TSNARE1: variants seen among roughly 807,000 people sequenced by gnomAD.
The protein encoded by TSNARE1 is t-SNARE domain containing 1, also known as t-SNARE domain-containing protein 1.
Under a neutral mutation model 62.0 loss-of-function variants are expected in TSNARE1, and 49 were observed. The observed-to-expected ratio is 0.79, with a 90% confidence interval of 0.63 to 1.00. The LOEUF is 1.00. Ranked by LOEUF, TSNARE1 falls within the 50% of genes least tolerant of loss-of-function variation. The pLI, the probability that TSNARE1 is intolerant of heterozygous loss-of-function variation, is 0.00. For synonymous variants in TSNARE1, 328 were observed against 294.4 expected (o/e 1.11, Z -1.17); for missense variants, 755 against 700.1 (o/e 1.08, Z -0.88).
intron 11 of TSNARE1, chr8:142,278,349 GT>G: frequency 2.0e-6 from 2 of 985,458 alleles, no homozygotes; most frequent in Non-Finnish European, 2.4e-6. Context: ...CACTGGGGGC[GT>G]TTGAGGCCAG....
intron 1 of TSNARE1, among the ~76,000 whole-genome samples, chr8:142,383,402 TGGGA>T (rs1836904067): frequency 3.3e-5 from 5 of 150,210 alleles, no homozygotes; most frequent in Non-Finnish European, 7.4e-5. Flanking sequence ...CCATCCTCTG[TGGGA>T]GGCCCCAAGC....
At chr8:142,385,614 G>A (rs1007229931) in intron 1 of TSNARE1, among the ~76,000 whole-genome samples, 4 of 152,162 alleles carry the variant, frequency 2.6e-5, no homozygotes, top group Non-Finnish European at 5.9e-5. Context: ...AAGAACTGGA[G>A]TCAAAGGATA....
chr8:142,224,019 AGCTATCGGT>A (rs955142817), intron 13 of TSNARE1, among the ~76,000 whole-genome samples: 12 of 152,150 alleles, frequency 7.9e-5, no homozygotes, highest in Non-Finnish European at 1.8e-4. Context: ...ATCCTCTGAG[AGCTATCGGT>A]GCAGTCCTGG....
At chr8:142,399,166 CCTT>C (rs1176668845) in intron 1 of TSNARE1, among the ~76,000 whole-genome samples, 1 of 152,226 alleles carries the variant, frequency 6.6e-6, no homozygotes, top group Non-Finnish European at 1.5e-5. Context: ...TTGGTAGTGC[CCTT>C]CTTCTCTGCC....
rs1202153394 is a variant in TSNARE1, at chr8:142,221,718, CACTCATTCACTCACTCATTCACT to C, written c.*11+7732_*11+7754del. Among the ~76,000 whole-genome samples, 59 of 145,718 alleles carry C rather than the reference CACTCATTCACTCACTCATTCACT, an allele frequency of 4.0e-4. 6 individuals are homozygous for C. The highest frequency in any genetic ancestry group is 7.1e-3 in the Middle Eastern group (2 of 282). ...TCATCCACTCACTCATCCACTCACT[CACTCATTCACTCACTCATTCACT>C]CACTCACTCACTCATTCACTCACTC... On this transcript the variant is annotated intron_variant, in intron 13 of 13. Transcript: ENST00000524325.
chr8:142,257,414 G>A (rs1217569798), intron 12 of TSNARE1, among the ~76,000 whole-genome samples: 1 of 152,128 alleles, frequency 6.6e-6, no homozygotes, highest in African/African-American at 2.4e-5. Context: ...CACCTGGACT[G>A]GACAGGATGT....
intron 11 of TSNARE1, 94 bp downstream of exon 11, chr8:142,284,319 C>A: frequency 9.8e-7 from 1 of 1,021,164 alleles, no homozygotes; most frequent in Non-Finnish European, 1.5e-6. Context: ...CTTAGAGGCC[C>A]CTTCACCCAC....
At chr8:142,345,681 A>C in intron 3 of TSNARE1, 62 bp downstream of exon 3, 1 of 1,476,468 alleles carries the variant, frequency 6.8e-7, no homozygotes, top group Non-Finnish European at 9.0e-7. Flanking sequence ...TGCCCTCCTC[A>C]GCACCTGCAT....
At chr8:142,396,569 G>A (rs1483515393) in intron 1 of TSNARE1, among the ~76,000 whole-genome samples, 1 of 152,216 alleles carries the variant, frequency 6.6e-6, no homozygotes, top group Non-Finnish European at 1.5e-5. Context: ...TAACTCAACA[G>A]GGAATTTTTG....
At chr8:142,395,266 G>C (rs182075474) in intron 1 of TSNARE1, among the ~76,000 whole-genome samples, 32 of 152,102 alleles carry the variant, frequency 2.1e-4, no homozygotes, top group African/African-American at 7.2e-4. Context: ...CCCAAGCCAC[G>C]CAGAGCCACT....
rs1181273411 is a variant in TSNARE1 at position 142,291,342 on chromosome 8, TG to T, written c.1291-6858del. On this transcript the variant is annotated intron_variant, in intron 10 of 13. Coordinates refer to ENST00000524325, the MANE Select transcript of TSNARE1 (RefSeq NM_145003.5). The surrounding 1 kb of genome is among the most constrained non-coding windows in gnomAD (Gnocchi z 4.8). Reference sequence around the variant, plus strand: ...GAGCTGTGTGACCCTGGGCAAGCGATGGGCCTGCTCCAAGCCACCGTCATCT... The same window carrying T: ...GAGCTGTGTGACCCTGGGCAAGCGATGGCCTGCTCCAAGCCACCGTCATCT... 2.0e-5 allele frequency among the ~76,000 whole-genome samples: 3 copies of T among 152,172 alleles called. No individual in the cohort carries two copies. The highest frequency in any genetic ancestry group is 2.0e-4 in the Admixed American group (3 of 15,286).
intron 13 of TSNARE1, among the ~76,000 whole-genome samples, chr8:142,219,805 C>T (rs1816121941): frequency 1.3e-5 from 2 of 152,234 alleles, no homozygotes; most frequent in Admixed American, 6.5e-5. Flanking sequence ...CCTTCTGGCT[C>T]CCGGCCTCCC....
chr8:142,314,986 C>T lies in TSNARE1; in HGVS notation c.1074+17G>A. 6.2e-7 allele frequency: 1 copy of T among 1,613,832 alleles called. No individual in the cohort carries two copies. Among genetic ancestry groups the T allele is most frequent in the Non-Finnish European group, 8.5e-7 (1 of 1,179,720 alleles). ...CACCTGGCCTGCAGACCCCCACTGCCCCCACCAGCACCTCACCTTCTGCAC... is the reference window on the plus strand; with the variant it reads ...CACCTGGCCTGCAGACCCCCACTGCTCCCACCAGCACCTCACCTTCTGCAC... On this transcript the variant is annotated intron_variant, in intron 8 of 13. Transcript: ENST00000524325.
chr8:142,271,585 G>A (rs760139685), intron 12 of TSNARE1: 55 of 1,424,372 alleles, frequency 3.9e-5, no homozygotes, highest in Non-Finnish European at 3.8e-5. Context: ...AGGTGGGTGC[G>A]TGGAAGACTC....
intron 3 of TSNARE1, among the ~76,000 whole-genome samples, chr8:142,345,355 G>T (rs980504928): frequency 1.3e-5 from 2 of 152,160 alleles, no homozygotes; most frequent in African/African-American, 4.8e-5. Flanking sequence ...TACCTGCAGA[G>T]GTCACCGCAC....
chr8:142,301,493 C>T (rs1267155415), intron 9 of TSNARE1, among the ~76,000 whole-genome samples: 2 of 140,520 alleles, frequency 1.4e-5, no homozygotes, highest in African/African-American at 2.7e-5. Flanking sequence ...CCTGCCCTGC[C>T]CATGCCAGCG....
At chr8:142,239,867 C>T (rs1199656913) in intron 12 of TSNARE1, among the ~76,000 whole-genome samples, 1 of 152,178 alleles carries the variant, frequency 6.6e-6, no homozygotes, top group African/African-American at 2.4e-5. Context: ...AGAGGCTGGG[C>T]TTGGTGTCCT....
chr8:142,301,191 C>T (rs1825701212), intron 9 of TSNARE1, among the ~76,000 whole-genome samples: 1 of 146,742 alleles, frequency 6.8e-6, no homozygotes, highest in African/African-American at 2.5e-5. Flanking sequence ...GCGGGCCTTC[C>T]TTCCCCTCCC....
chr8:142,397,898 G>A (rs1010549452), intron 1 of TSNARE1, among the ~76,000 whole-genome samples: 10 of 152,242 alleles, frequency 6.6e-5, no homozygotes, highest in East Asian at 5.8e-4. Context: ...ACAGGCCCTC[G>A]GTGTGGCACT....
Sources: gnomAD v4.1 joint callset for allele counts (sites outside exome capture counted in the v4.1 genomes callset) on GRCh38, gnomAD v4.1.1 for gene constraint, Gnocchi (gnomAD v3.1) non-coding constraint, MANE v1.5 for transcripts, NCBI Gene and HGNC (gene_info 2026-07-23, HGNC 2026-07-21) for gene names.